Variants in CNTN5 observed in about 807,000 individuals in gnomAD.
The protein encoded by CNTN5 is contactin 5.
CNTN5 carries 77 observed loss-of-function variants against 129.1 expected under a neutral mutation model. The observed-to-expected ratio is 0.60, with a 90% CI of 0.50 to 0.72. The LOEUF (loss-of-function observed/expected upper bound fraction) is 0.72. Ranked by LOEUF, CNTN5 falls within the 30% of genes least tolerant of loss-of-function variation. CNTN5 has a pLI of 0.00. For synonymous variants in CNTN5, 509 were observed against 465.6 expected (o/e 1.09, Z -1.20); for missense variants, 1,478 against 1,328.8 (o/e 1.11, Z -1.75).
At chr11:99,384,212 T>A (rs1435302855) in intron 2 of CNTN5, among the ~76,000 whole-genome samples, 1 of 152,204 alleles carries the variant, frequency 6.6e-6, no homozygotes, top group African/African-American at 2.4e-5. Flanking sequence ...GAGACACTGT[T>A]TGTACGGCCG....
At chr11:99,173,104 A>T (rs1857611010) in intron 1 of CNTN5, among the ~76,000 whole-genome samples, 1 of 152,326 alleles carries the variant, frequency 6.6e-6, no homozygotes, top group African/African-American at 2.4e-5. Context: ...TCATGAGAAC[A>T]GCATGGGAAA....
chr11:99,023,096 G>C (rs1241532351), intron 1 of CNTN5, among the ~76,000 whole-genome samples: 1 of 152,180 alleles, frequency 6.6e-6, no homozygotes, highest in African/African-American at 2.4e-5. Flanking sequence ...TAAATGAATA[G>C]CTGAAATACC....
intron 1 of CNTN5, among the ~76,000 whole-genome samples, chr11:99,031,835 A>G (rs1295325332): frequency 6.6e-6 from 1 of 151,400 alleles, no homozygotes; most frequent in Non-Finnish European, 1.5e-5. Context: ...TTACATATGT[A>G]TACATGTGCC....
intron 2 of CNTN5, among the ~76,000 whole-genome samples, chr11:99,361,852 G>A (rs1312839511): frequency 6.6e-6 from 1 of 151,974 alleles, no homozygotes; most frequent in Non-Finnish European, 1.5e-5. Context: ...ATATTCCATT[G>A]TATGTATATA....
intron 7 of CNTN5, among the ~76,000 whole-genome samples, chr11:99,930,599 G>T (rs12289063): frequency 0.16 from 24,629 of 151,996 alleles, 2,227 homozygotes; most frequent in African/African-American, 0.23. Context: ...TAACAACATG[G>T]TCTGAAATTT....
chr11:99,314,213 G>A (rs1865239023), intron 1 of CNTN5, among the ~76,000 whole-genome samples: 1 of 151,958 alleles, frequency 6.6e-6, no homozygotes, highest in South Asian at 2.1e-4. Context: ...TAAATTTGCT[G>A]AACAATAATT....
chr11:100,256,834 T>C (rs1288338566), intron 17 of CNTN5, among the ~76,000 whole-genome samples: 1 of 152,030 alleles, frequency 6.6e-6, no homozygotes, highest in Non-Finnish European at 1.5e-5. Flanking sequence ...CAGGTGCCTA[T>C]GGCACCAGGG....
rs568741370 is a variant in CNTN5, at chr11:99,401,464, T to A, written c.-71+75980T>A. ...GTGTCTGTTTTATGCCAGTACAATA[T>A]CATGTTATTTTGGTTACTATACCTC... On this transcript the variant is annotated intron_variant, in intron 2 of 24. Coordinates refer to ENST00000524871, the MANE Select transcript of CNTN5 (RefSeq NM_014361.4). 3.2e-4 allele frequency among the ~76,000 whole-genome samples: 49 copies of A among 152,214 alleles called. 2 individuals are homozygous for A. The South Asian group carries it at 9.9e-3, about 31-fold the overall frequency.
chr11:99,606,417 A>G (rs1252488305), intron 3 of CNTN5, among the ~76,000 whole-genome samples: 8 of 142,310 alleles, frequency 5.6e-5, no homozygotes, highest in Non-Finnish European at 1.2e-4. Flanking sequence ...TTCAAGGAGA[A>G]CTACAAACCA....
chr11:100,208,714 T>G (rs192608937), intron 15 of CNTN5, among the ~76,000 whole-genome samples: 1 of 152,190 alleles, frequency 6.6e-6, no homozygotes. Flanking sequence ...CATACCAGAA[T>G]CCACAGAAGT....
chr11:99,411,389 G>A (rs560325692), intron 2 of CNTN5, among the ~76,000 whole-genome samples: 1 of 152,220 alleles, frequency 6.6e-6, no homozygotes, highest in African/African-American at 2.4e-5. Flanking sequence ...GTGTGGTGGT[G>A]CCCACCTGTA....
At chr11:99,137,682 T>G (rs946354494) in intron 1 of CNTN5, among the ~76,000 whole-genome samples, 2 of 152,170 alleles carry the variant, frequency 1.3e-5, no homozygotes, top group African/African-American at 4.8e-5. Flanking sequence ...CCAGAAATAG[T>G]TTCACCTTAA....
chr11:100,254,300 G>A (rs1264576509), intron 16 of CNTN5, among the ~76,000 whole-genome samples: 2 of 151,818 alleles, frequency 1.3e-5, no homozygotes, highest in African/African-American at 4.8e-5. Flanking sequence ...CTAATTTCCC[G>A]CAATCACCCT....
intron 8 of CNTN5, among the ~76,000 whole-genome samples, chr11:99,966,424 A>G (rs1267689474): frequency 6.6e-6 from 1 of 152,162 alleles, no homozygotes; most frequent in African/African-American, 2.4e-5. Flanking sequence ...TACAGAGATG[A>G]CCGCTTCTAC....
At chr11:99,768,243 T>C (rs993320348) in intron 3 of CNTN5, among the ~76,000 whole-genome samples, 8 of 152,170 alleles carry the variant, frequency 5.3e-5, no homozygotes, top group Non-Finnish European at 8.8e-5. Flanking sequence ...TTAATAGTTA[T>C]ATACATCCAC....
At chr11:99,119,864 T>A (rs1858223068) in intron 1 of CNTN5, among the ~76,000 whole-genome samples, 2 of 152,190 alleles carry the variant, frequency 1.3e-5, no homozygotes, top group South Asian at 4.1e-4. Flanking sequence ...GATTTGCATT[T>A]TTCTAATGAT....
intron 18 of CNTN5, among the ~76,000 whole-genome samples, chr11:100,284,893 T>C (rs547659613): frequency 1.2e-4 from 19 of 152,352 alleles, no homozygotes; most frequent in African/African-American, 4.6e-4. Flanking sequence ...AAATTGCACC[T>C]ATAATGAAAG....
intron 7 of CNTN5, among the ~76,000 whole-genome samples, chr11:99,941,012 C>T (rs1041187062): frequency 6.6e-6 from 1 of 152,020 alleles, no homozygotes; most frequent in African/African-American, 2.4e-5. Flanking sequence ...TAGGGAAAAA[C>T]ATTGGGACAT....
chr11:99,972,247 C>T (rs919247130), intron 8 of CNTN5, among the ~76,000 whole-genome samples: 1 of 151,598 alleles, frequency 6.6e-6, no homozygotes, highest in African/African-American at 2.4e-5. Context: ...GGCGACAGGG[C>T]GAGACTCTGT....
Sources: allele counts gnomAD v4.1 joint callset (sites outside exome capture counted in the v4.1 genomes callset), GRCh38; gene constraint gnomAD v4.1.1; transcripts MANE v1.5; gene names NCBI Gene and HGNC (gene_info 2026-07-23, HGNC 2026-07-21).